CPTP: variants seen among roughly 807,000 people sequenced by gnomAD.
The protein encoded by CPTP is GLTP domain-containing protein 1.
A neutral mutation model predicts 5.7 loss-of-function variants in CPTP; 5 were observed. The observed-to-expected ratio is 0.88, with a 90% CI of 0.46 to 1.86. The LOEUF (loss-of-function observed/expected upper bound fraction) is 1.86, where lower values mean the gene tolerates loss of function less well. CPTP is among the 40% of genes most tolerant of loss of function. The probability of loss-of-function intolerance (pLI) is 0.01; values close to 1 mark genes in which losing one functional copy is unlikely to be tolerated. For missense variants in CPTP, 335 were observed against 306.5 expected (o/e 1.09, Z -0.69); for synonymous variants, 166 against 142.7 (o/e 1.16, Z -1.16).
At position 1,327,930 on chromosome 1, in the gene CPTP, TGG is replaced by T; in HGVS notation, c.*168_*169del. 2.6e-6 allele frequency: 2 copies of T among 780,734 alleles called. No individual in the cohort carries two copies. Among genetic ancestry groups the T allele is most frequent in the Middle Eastern group, 3.8e-4 (1 of 2,664 alleles). The allele number at this position is 780,734 out of a possible 1,614,324, so 48.4% of individuals were successfully genotyped here. A position where few individuals can be genotyped will look rare whatever the true frequency, so the allele number is the denominator to read the frequency against. ...GAACCACAGACTGTGACAGAGAAGG[TGG>T]CGACCAGCCCAGAAGAGGCCCACCC... On this transcript the variant is annotated 3_prime_UTR_variant, in exon 3 of 3. Coordinates refer to ENST00000343938, the MANE Select transcript of CPTP (RefSeq NM_001029885.2).
chr1:1,326,572 C>T (rs989439377), intron 1 of CPTP, among the ~76,000 whole-genome samples: 1 of 152,204 alleles, frequency 6.6e-6, no homozygotes, highest in Non-Finnish European at 1.5e-5. Context: ...GACAGCGGGG[C>T]CTAGTGGTCT....
In CPTP at chr1:1,327,586, C is replaced by T. The variant is rs307349; in HGVS notation, c.468C>T (p.Arg156=). Residue 156 remains arginine, a synonymous_variant, in exon 3 of 3, where the codon CGC becomes CGT. Coordinates refer to ENST00000343938, the MANE Select transcript of CPTP (RefSeq NM_001029885.2). ...CCTACCACCCCTGGGTCGTGCGCCG[C>T]GCCGTCACCGTGGCCTTCTGCACGC... ...LAAYHPWVVR[R]AVTVAFCTLP... is the part of the protein sequence containing the mutation. 1,441,491 of 1,608,350 alleles carry T rather than the reference C, an allele frequency of 0.9. 652,102 individuals carry two copies. The highest frequency in any genetic ancestry group is 0.93 in the Non-Finnish European group (1,096,877 of 1,178,366).
rs1193435976 is a variant in CPTP, at chr1:1,328,835, A to T, written c.*1072A>T. Reference sequence around the variant, plus strand: ...CATGCGAGCTTCCAGAGTGCAATCTATGTGATGTCTTCCAACGTTAATAAA... The same window carrying T: ...CATGCGAGCTTCCAGAGTGCAATCTTTGTGATGTCTTCCAACGTTAATAAA... On this transcript the variant is annotated 3_prime_UTR_variant, in exon 3 of 3. Coordinates refer to ENST00000343938, the MANE Select transcript of CPTP (RefSeq NM_001029885.2). 2 of 152,506 alleles carry T rather than the reference A, an allele frequency of 1.3e-5. No individual in the cohort carries two copies. Among genetic ancestry groups the T allele is most frequent in the East Asian group, 3.9e-4 (2 of 5,174 alleles). The allele number at this position is 152,506 out of a possible 1,614,324, so 9.4% of individuals were successfully genotyped here.
At position 1,326,884 on chromosome 1, in the gene CPTP, C is replaced by T. The variant is rs538937809; in HGVS notation, c.-27C>T. 4 of 1,613,380 alleles carry T rather than the reference C, an allele frequency of 2.5e-6. No homozygotes were observed. The highest frequency in any genetic ancestry group is 3.3e-5 in the Admixed American group (2 of 59,996). On this transcript the variant is annotated 5_prime_UTR_variant, in exon 2 of 3. Coordinates refer to ENST00000343938, the MANE Select transcript of CPTP (RefSeq NM_001029885.2). ...ACCCCAGCGACACAGCCCCCCAGCC[C>T]TACTGTATTTCCGTTCCTATCAAAA...
At position 1,327,582 on chromosome 1, in the gene CPTP, G is replaced by C. The variant is rs138463206; in HGVS notation, c.464G>C (p.Arg155Pro). Residue 155 changes from arginine to proline, a missense_variant, in exon 3 of 3, where the codon CGC becomes CCC. By Grantham distance (103) the Arg-to-Pro change is moderately radical. Transcript: ENST00000343938. ...GCCGCCTACCACCCCTGGGTCGTGCGCCGCGCCGTCACCGTGGCCTTCTGC... is the reference window on the plus strand; with the variant it reads ...GCCGCCTACCACCCCTGGGTCGTGCCCCGCGCCGTCACCGTGGCCTTCTGC... Reference protein sequence around the residue: ...SLAAYHPWVVRRAVTVAFCTL... With the variant: ...SLAAYHPWVVPRAVTVAFCTL... 6 of 1,607,288 alleles carry C rather than the reference G, an allele frequency of 3.7e-6. No homozygotes were observed. Among genetic ancestry groups the C allele is most frequent in the Non-Finnish European group, 3.4e-6 (4 of 1,177,834 alleles).
Position 1,325,082 on chromosome 1 carries a change from C to T in CPTP, c.-96C>T, listed in dbSNP as rs144022893. 3,205 of 158,926 alleles carry T rather than the reference C, an allele frequency of 0.02. 86 individuals are homozygous for T. The highest frequency in any genetic ancestry group is 0.059 in the African/African-American group (2,479 of 41,734). The allele number at this position is 158,926 out of a possible 1,614,324, so 9.8% of individuals were successfully genotyped here. Reference sequence around the variant, plus strand: ...AACCGGTGCCCATCCAGTCCGGTGCCATCTGAAGCCCCCTTCCCAGGTGAG... The same window carrying T: ...AACCGGTGCCCATCCAGTCCGGTGCTATCTGAAGCCCCCTTCCCAGGTGAG... On this transcript the variant is annotated 5_prime_UTR_variant, in exon 1 of 3. Transcript: ENST00000343938.
rs766011321 is a variant in CPTP, at chr1:1,326,951, T to C, written c.41T>C (p.Leu14Pro). 44 of 1,613,730 alleles carry C rather than the reference T, an allele frequency of 2.7e-5. No individual in the cohort carries two copies. Among genetic ancestry groups the C allele is most frequent in the Non-Finnish European group, 3.6e-5 (42 of 1,180,006 alleles). ...SETGFNLKVV[L>P]VSFKQCLDEK... ...ACAGGTTTCAATCTGAAAGTCGTCCTGGTCAGTTTCAAGCAGTGTCTCGAT... is the reference window on the plus strand; with the variant it reads ...ACAGGTTTCAATCTGAAAGTCGTCCCGGTCAGTTTCAAGCAGTGTCTCGAT... The change falls in exon 2 of 3, where the codon CTG becomes CCG. Residue 14 changes from leucine to proline, a missense_variant. Leu to Pro is a moderately conservative substitution (Grantham distance 98). Transcript: ENST00000343938.
intron 1 of CPTP, 132 bp from the exon 2 acceptor site, chr1:1,326,704 T>C: frequency 1.7e-6 from 1 of 578,608 alleles, no homozygotes; most frequent in East Asian, 3.2e-5. Context: ...TGGGTCAGGG[T>C]GGTGTGCCTG....
chr1:1,327,488 G>A lies in CPTP; in HGVS notation c.370G>A (p.Gly124Ser), dbSNP rs1643334129. Reference protein sequence around the residue: ...ALHWLQLFLEGLRTSPEDART... With the variant: ...ALHWLQLFLESLRTSPEDART... ...GCACTGGCTGCAGCTGTTCCTGGAGGGCCTGCGTACCAGCCCCGAGGACGC... is the reference window on the plus strand; with the variant it reads ...GCACTGGCTGCAGCTGTTCCTGGAGAGCCTGCGTACCAGCCCCGAGGACGC... Residue 124 changes from glycine to serine, a missense_variant, in exon 3 of 3, where the codon GGC becomes AGC. By Grantham distance (56) the Gly-to-Ser change is moderately conservative (BLOSUM62 0). Transcript: ENST00000343938. 3 of 1,571,940 alleles carry A rather than the reference G, an allele frequency of 1.9e-6. No individual in the cohort carries two copies. The Admixed American group carries it at 5.5e-5, about 29-fold the overall frequency.
rs1348947469 is a variant in CPTP, at chr1:1,327,638, G to A, written c.520G>A (p.Ala174Thr). 2 of 1,612,544 alleles carry A rather than the reference G, an allele frequency of 1.2e-6. No homozygotes were observed. Among genetic ancestry groups the A allele is most frequent in the Non-Finnish European group, 1.7e-6 (2 of 1,179,892 alleles). ...TLPTREVFLE[A>T]MNVGPPEQAV... ...GCCCACACGCGAGGTCTTCCTGGAG[G>A]CCATGAACGTGGGGCCCCCGGAGCA... The change falls in exon 3 of 3, where the codon GCC (alanine) becomes ACC (threonine). Residue 174 changes from alanine (A) to threonine (T), a missense_variant. Ala to Thr is a moderately conservative substitution (Grantham distance 58, BLOSUM62 0). Coordinates refer to ENST00000343938, the MANE Select transcript of CPTP (RefSeq NM_001029885.2).
rs781203062 is a variant in CPTP at position 1,327,510 on chromosome 1, ACGCACGCACCTC to A, written c.396_407del (p.Arg133_Ala136del). The A allele has an allele frequency of 6.3e-6, 10 of 1,576,812 alleles. No homozygotes were observed. In the African/African-American group the frequency reaches 1.3e-4, roughly 21 times the overall value. ...GAGGGCCTGCGTACCAGCCCCGAGGACGCACGCACCTCCGCGCTCTGCGCCGACTCCTACAAC... is the reference window on the plus strand; with the variant it reads ...GAGGGCCTGCGTACCAGCCCCGAGGACGCGCTCTGCGCCGACTCCTACAAC... On this transcript the variant is annotated inframe_deletion, in exon 3 of 3. Transcript: ENST00000343938.
rs2100662964 is a variant in CPTP at position 1,325,004 on chromosome 1, C to A, written c.-174C>A. ...GTGGCTCAGGTCGGCCCCTCCCCAA[C>A]ACCACCCCGGGCCTCCGCCCCTTCC... On this transcript the variant is annotated 5_prime_UTR_variant, in exon 1 of 3. Coordinates refer to ENST00000343938, the MANE Select transcript of CPTP (RefSeq NM_001029885.2). 1 of 210,018 alleles carries A rather than the reference C, an allele frequency of 4.8e-6. No homozygotes were observed. Among genetic ancestry groups the A allele is most frequent in the South Asian group, 1.4e-4 (1 of 7,374 alleles). 13.0% of individuals were successfully genotyped at this position (210,018 alleles called of 1,614,324 possible).
At chr1:1,326,374 T>G (rs1317320679) in intron 1 of CPTP, among the ~76,000 whole-genome samples, 1 of 151,618 alleles carries the variant, frequency 6.6e-6, no homozygotes. Context: ...ACTTCAGAAC[T>G]TCCTGTCTTT....
Position 1,327,743 on chromosome 1 carries a change from T to G in CPTP, c.625T>G (p.Ser209Ala). The change falls in exon 3 of 3, where the codon TCC (serine) becomes GCC (alanine). Residue 209 changes from serine to alanine, a missense_variant. Physicochemically the swap from Ser to Ala is moderately conservative, Grantham distance 99. Transcript: ENST00000343938. ...NVSQKLYAEH[S>A]LLDLP ...CTCCCAGAAGCTCTACGCCGAGCAC[T>G]CCCTGCTGGACCTGCCCTAGGGGCG... 1 of 1,612,196 alleles carries G rather than the reference T, an allele frequency of 6.2e-7. No individual in the cohort carries two copies. Among genetic ancestry groups the G allele is most frequent in the African/African-American group, 1.3e-5 (1 of 75,054 alleles).
Position 1,327,996 on chromosome 1 carries a change from C to A in CPTP, c.*233C>A. On this transcript the variant is annotated 3_prime_UTR_variant, in exon 3 of 3. Transcript: ENST00000343938. ...CAAGACGCCTCGGCCACGGCTCCCCCTCGGCCTATTACACGCGTGCGCAGC... is the reference window on the plus strand; with the variant it reads ...CAAGACGCCTCGGCCACGGCTCCCCATCGGCCTATTACACGCGTGCGCAGC... 1.7e-6 allele frequency: 1 copy of A among 595,972 alleles called. No homozygotes were observed. The highest frequency in any genetic ancestry group is 4.5e-4 in the Middle Eastern group (1 of 2,234). The allele number at this position is 595,972 out of a possible 1,614,324, so 36.9% of individuals were successfully genotyped here. A position where few individuals can be genotyped will look rare whatever the true frequency, so the allele number is the denominator to read the frequency against.
In CPTP at chr1:1,327,680, G is replaced by A; in HGVS notation, c.562G>A (p.Gly188Ser). The A allele has an allele frequency of 6.2e-7, 1 of 1,612,798 alleles. No homozygotes were observed. Among genetic ancestry groups the A allele is most frequent in the Non-Finnish European group, 8.5e-7 (1 of 1,179,942 alleles). ...GPPEQAVQML[G>S]EALPFIQRVY... is the part of the protein sequence containing the mutation. ...CCCGGAGCAGGCCGTGCAGATGCTA[G>A]GCGAGGCCCTCCCCTTCATCCAGCG... The change falls in exon 3 of 3, where the codon GGC (glycine) becomes AGC (serine). Residue 188 changes from glycine (G) to serine (S), a missense_variant. Transcript: ENST00000343938.
In CPTP at chr1:1,327,826, C is replaced by T. The variant is rs535119315; in HGVS notation, c.*63C>T. Reference sequence around the variant, plus strand: ...AGATCTGGGCTGCGGTGGCCAGGGCCGTGAGTCCCGTGGCAGAGCCTTCTG... The same window carrying T: ...AGATCTGGGCTGCGGTGGCCAGGGCTGTGAGTCCCGTGGCAGAGCCTTCTG... On this transcript the variant is annotated 3_prime_UTR_variant, in exon 3 of 3. Transcript: ENST00000343938. The T allele has an allele frequency of 1.3e-4, 199 of 1,560,954 alleles. No individual in the cohort carries two copies. The African/African-American group carries it at 2.4e-3, about 19-fold the overall frequency.
rs2100673250 is a variant in CPTP, at chr1:1,327,688, C to T, written c.570C>T (p.Ala190=). The T allele has an allele frequency of 4.3e-6, 7 of 1,612,790 alleles. No homozygotes were observed. The highest frequency in any genetic ancestry group is 5.9e-6 in the Non-Finnish European group (7 of 1,179,938). The change falls in exon 3 of 3, where the codon GCC becomes GCT. Residue 190 remains alanine, a synonymous_variant. Transcript: ENST00000343938. ...PEQAVQMLGE[A]LPFIQRVYNV... is the part of the protein sequence containing the mutation. ...AGGCCGTGCAGATGCTAGGCGAGGC[C>T]CTCCCCTTCATCCAGCGTGTCTACA...
chr1:1,327,152 G>C, intron 2 of CPTP, 89 bp from the exon 3 acceptor site: 1 of 1,586,060 alleles, frequency 6.3e-7, no homozygotes, highest in East Asian at 2.2e-5. Context: ...AGATGGGTGT[G>C]AGCCCCCGCA....
Sources: allele counts gnomAD v4.1 joint callset (sites outside exome capture counted in the v4.1 genomes callset), GRCh38; gene constraint gnomAD v4.1.1; transcripts MANE v1.5; gene names NCBI Gene and HGNC (gene_info 2026-07-23, HGNC 2026-07-21).